Variants in TACR3 observed in about 807,000 individuals in gnomAD.
The protein encoded by TACR3 is tachykinin receptor 3.
TACR3 carries 34 observed loss-of-function variants against 35.0 expected under a neutral mutation model. The observed-to-expected ratio is 0.97, with a 90% confidence interval of 0.74 to 1.30. The LOEUF is 1.30. Among genes scored for constraint, TACR3 ranks in the 50% most tolerant of loss-of-function variants. TACR3 has a pLI of 0.00. For synonymous variants in TACR3, 233 were observed against 221.1 expected (o/e 1.05, Z -0.48); for missense variants, 558 against 591.7 (o/e 0.94, Z 0.59).
intron 3 of TACR3, among the ~76,000 whole-genome samples, chr4:103,640,041 T>C (rs1298239494): frequency 1.3e-5 from 2 of 151,986 alleles, no homozygotes; most frequent in African/African-American, 2.4e-5. Context: ...TTTATGAGCA[T>C]TAGGAACTAG....
intron 1 of TACR3, among the ~76,000 whole-genome samples, chr4:103,671,327 C>T (rs1475511091): frequency 6.6e-6 from 1 of 151,950 alleles, no homozygotes; most frequent in East Asian, 1.9e-4. Context: ...AGTATTCCCT[C>T]TTCCTAATAT....
intron 3 of TACR3, among the ~76,000 whole-genome samples, chr4:103,617,744 C>A (rs1724692748): frequency 6.6e-6 from 1 of 152,040 alleles, no homozygotes; most frequent in South Asian, 2.1e-4. Context: ...TTAAGAAAAA[C>A]AAGCAAGAAA....
At chr4:103,703,183 A>C (rs1560538134) in intron 1 of TACR3, among the ~76,000 whole-genome samples, 1 of 152,280 alleles carries the variant, frequency 6.6e-6, no homozygotes, top group East Asian at 1.9e-4. Flanking sequence ...ATTATATTTT[A>C]AAAGTGTTCA....
intron 1 of TACR3, among the ~76,000 whole-genome samples, chr4:103,666,742 A>T (rs1327953113): frequency 6.6e-6 from 1 of 152,186 alleles, no homozygotes; most frequent in African/African-American, 2.4e-5. Context: ...AAAACTTGCT[A>T]AATTTTTTGC....
chr4:103,636,615 CA>C (rs1402735031), intron 3 of TACR3, among the ~76,000 whole-genome samples: 3 of 151,798 alleles, frequency 2.0e-5, no homozygotes, highest in Non-Finnish European at 2.9e-5. Flanking sequence ...AATAGAGACA[CA>C]AAAAACCCTT....
intron 1 of TACR3, among the ~76,000 whole-genome samples, chr4:103,688,826 T>A (rs1722320292): frequency 6.6e-6 from 1 of 152,176 alleles, no homozygotes; most frequent in Non-Finnish European, 1.5e-5. Flanking sequence ...TCAATCATTG[T>A]GGAAGGCAGT....
At chr4:103,663,838 A>G (rs1039759069) in intron 1 of TACR3, among the ~76,000 whole-genome samples, 5 of 152,242 alleles carry the variant, frequency 3.3e-5, no homozygotes, top group Non-Finnish European at 5.9e-5. Flanking sequence ...CACCTGAACA[A>G]ACATTCTCTG....
chr4:103,632,013 A>G (rs78495994), intron 3 of TACR3, among the ~76,000 whole-genome samples: 12,840 of 152,300 alleles, frequency 0.084, 667 homozygotes, highest in Non-Finnish European at 0.12. Flanking sequence ...TGTAAACTAA[A>G]GAATCATACA....
At chr4:103,596,225 C>T (rs1023357591) in intron 3 of TACR3, among the ~76,000 whole-genome samples, 4 of 151,670 alleles carry the variant, frequency 2.6e-5, no homozygotes, top group Non-Finnish European at 2.9e-5. Flanking sequence ...GTGCATGTGT[C>T]TTTATAGCAG....
rs1038429890 is a variant in TACR3, at chr4:103,588,327, T to C, written c.*1355A>G. On this transcript the variant is annotated 3_prime_UTR_variant, in exon 5 of 5. Coordinates refer to ENST00000304883, the MANE Select transcript of TACR3 (RefSeq NM_001059.3). ...ATTCACATTCTCAAAAAGTTTCTGC[T>C]TTCTTGAGCAGGATTAACAGTATCC... is the stretch of plus-strand genomic sequence containing the variant. The C allele has an allele frequency of 3.9e-5, 6 of 152,160 alleles. No homozygotes were observed. The highest frequency in any genetic ancestry group is 1.4e-4 in the African/African-American group (6 of 41,464). The allele number at this position is 152,160 out of a possible 1,614,324, so 9.4% of individuals were successfully genotyped here. A position where few individuals can be genotyped will look rare whatever the true frequency, so the allele number is the denominator to read the frequency against.
rs560719045 is a variant in TACR3 at position 103,684,302 on chromosome 4, A to C, written c.549-25899T>G. On this transcript the variant is annotated intron_variant, in intron 1 of 4. Coordinates refer to ENST00000304883, the MANE Select transcript of TACR3 (RefSeq NM_001059.3). The stretch of plus-strand genomic sequence containing the variant: ...CTATTCATACAATAGAAGATTGTCT[A>C]TGTAGATGATCCCAATAAATCTCCA... Among the ~76,000 whole-genome samples, 13 of 152,284 alleles carry C rather than the reference A, an allele frequency of 8.5e-5. No homozygotes were observed. The South Asian group carries it at 2.1e-3, about 24-fold the overall frequency.
Position 103,662,217 on chromosome 4 carries a change from G to GGTTTTTTTTTTTTTTTTTT in TACR3, c.549-3815_549-3814insAAAAAAAAAAAAAAAAAAC, listed in dbSNP as rs1553972885. On this transcript the variant is annotated intron_variant, in intron 1 of 4. Transcript: ENST00000304883. ...TGTGAAAAACTCCTATGTTGATGGTGTTTTTTTTTTTTTTTTTTTTGAGAC... is the reference window on the plus strand; with the variant it reads ...TGTGAAAAACTCCTATGTTGATGGTGGTTTTTTTTTTTTTTTTTTTTTTTTTTTTTTTTTTTTTTGAGAC... Among the ~76,000 whole-genome samples the GGTTTTTTTTTTTTTTTTTT allele has an allele frequency of 4.6e-5, 4 of 86,272 alleles. 1 individual carries two copies. The highest frequency in any genetic ancestry group is 1.0e-4 in the African/African-American group (2 of 19,538). 56.6% of individuals were successfully genotyped at this position (86,272 alleles called of 152,430 possible).
intron 3 of TACR3, among the ~76,000 whole-genome samples, chr4:103,628,767 A>G (rs558418565): frequency 6.6e-6 from 1 of 152,196 alleles, no homozygotes; most frequent in Non-Finnish European, 1.5e-5. Flanking sequence ...CAATCAATAG[A>G]AAAAGAGGGA....
At chr4:103,637,053 A>G (rs1725210086) in intron 3 of TACR3, among the ~76,000 whole-genome samples, 1 of 152,192 alleles carries the variant, frequency 6.6e-6, no homozygotes, top group Admixed American at 6.5e-5. Context: ...ATTCCAATCA[A>G]TAGCAAAAGA....
intron 3 of TACR3, among the ~76,000 whole-genome samples, chr4:103,596,083 TC>T (rs1724008387): frequency 1.3e-5 from 2 of 150,520 alleles, no homozygotes; most frequent in Non-Finnish European, 3.0e-5. Context: ...CATGAACTCA[TC>T]CTTTTTTATG....
chr4:103,709,047 G>C (rs1327067782), intron 1 of TACR3, among the ~76,000 whole-genome samples: 1 of 152,206 alleles, frequency 6.6e-6, no homozygotes, highest in Non-Finnish European at 1.5e-5. Context: ...ACCTGCAAGT[G>C]ACGGGGAGAA....
At chr4:103,668,613 C>A (rs1022250104) in intron 1 of TACR3, among the ~76,000 whole-genome samples, 1 of 151,638 alleles carries the variant, frequency 6.6e-6, no homozygotes, top group Non-Finnish European at 1.5e-5. Context: ...TTTGGGAGGC[C>A]GAGGCAGGCA....
intron 3 of TACR3, among the ~76,000 whole-genome samples, chr4:103,635,348 CTG>C (rs1313948894): frequency 2.0e-5 from 3 of 151,818 alleles, no homozygotes; most frequent in Non-Finnish European, 4.4e-5. Flanking sequence ...AATATAGCGA[CTG>C]GAGTCTTATC....
intron 3 of TACR3, among the ~76,000 whole-genome samples, chr4:103,629,869 A>G (rs557426868): frequency 1.6e-5 from 2 of 122,782 alleles, no homozygotes; most frequent in Non-Finnish European, 3.6e-5. Flanking sequence ...AACAAAAAAA[A>G]AACAAAAAAA....
Sources: allele counts gnomAD v4.1 joint callset (sites outside exome capture counted in the v4.1 genomes callset), GRCh38; gene constraint gnomAD v4.1.1; transcripts MANE v1.5; gene names NCBI Gene and HGNC (gene_info 2026-07-23, HGNC 2026-07-21).